The following TIAM1 variants were observed in gnomAD, a reference collection of about 807,000 sequenced individuals.
TIAM1 encodes TIAM Rac1 associated GEF 1.
In TIAM1, 65 loss-of-function variants were observed where a neutral mutation model predicts 163.5. The ratio of observed to expected loss-of-function variants is 0.40; its 90% CI spans 0.33 to 0.49. The LOEUF is 0.49. TIAM1 is among the 20% of genes least tolerant of loss of function. The pLI, the probability that TIAM1 is intolerant of heterozygous loss-of-function variation, is 0.77. For missense variants in TIAM1, 1,789 were observed against 2,044.7 expected (o/e 0.87, Z 2.41); for synonymous variants, 833 against 810.1 (o/e 1.03, Z -0.48).
chr21:31,181,995 G>C (rs1319605596), intron 15 of TIAM1, among the ~76,000 whole-genome samples: 3 of 150,124 alleles, frequency 2.0e-5, no homozygotes, highest in Non-Finnish European at 4.4e-5. Flanking sequence ...TGTTGCCCAG[G>C]CTGGTCTCAA....
intron 22 of TIAM1, 81 bp from the exon 23 acceptor site, chr21:31,136,122 G>T (rs917742726): frequency 1.6e-6 from 2 of 1,244,354 alleles, no homozygotes; most frequent in South Asian, 1.3e-5. Flanking sequence ...AATTCAGCAT[G>T]CTGATATTAA....
chr21:31,191,691 T>C (rs1175585534), intron 13 of TIAM1, among the ~76,000 whole-genome samples: 1 of 152,194 alleles, frequency 6.6e-6, no homozygotes, highest in Admixed American at 6.5e-5. Context: ...GGAAGCACTG[T>C]TTGTAACACT....
chr21:31,165,004 C>T lies in TIAM1; in HGVS notation c.2949G>A (p.Gly983=), dbSNP rs1479455872. Residue 983 remains glycine (G), a synonymous_variant, in exon 16 of 28, where the codon GGG becomes GGA. Coordinates refer to ENST00000541036, the MANE Select transcript of TIAM1 (RefSeq NM_001353694.2). ...SAETAPEETE[G]PDLESSDETD... ...TCTCATCTGAGGATTCCAAGTCTGG[C>T]CCCTCGGTCTCCTCTGGAGCGGTCT... is the stretch of plus-strand genomic sequence containing the variant. 6.8e-6 allele frequency: 11 copies of T among 1,614,152 alleles called. No homozygotes were observed. The highest frequency in any genetic ancestry group is 9.3e-6 in the Non-Finnish European group (11 of 1,180,034).
Position 31,136,897 on chromosome 21 carries a change from G to A in TIAM1, c.3775-856C>T, listed in dbSNP as rs532809728. Among the ~76,000 whole-genome samples, 4 of 152,318 alleles carry A rather than the reference G, an allele frequency of 2.6e-5. No individual in the cohort carries two copies. In the East Asian group the frequency reaches 7.7e-4, roughly 29 times the overall value. Reference sequence around the variant, plus strand: ...ACGACTTTATTTCACTTTAGATGAGGGAGAGAGAAGCCAATAAAGAGTTTG... The same window carrying A: ...ACGACTTTATTTCACTTTAGATGAGAGAGAGAGAAGCCAATAAAGAGTTTG... On this transcript the variant is annotated intron_variant, in intron 22 of 27. Coordinates refer to ENST00000541036, the MANE Select transcript of TIAM1 (RefSeq NM_001353694.2).
At chr21:31,348,331 G>A (rs116110340), upstream of TIAM1, among the ~76,000 whole-genome samples, 4,430 of 152,188 alleles carry the variant, frequency 0.029, 239 homozygotes, top group African/African-American at 0.1. Flanking sequence ...ACAAAAACAA[G>A]GTAAGAAGTG....
chr21:31,191,943 T>G (rs1489067336), intron 13 of TIAM1, among the ~76,000 whole-genome samples: 2 of 152,172 alleles, frequency 1.3e-5, no homozygotes, highest in African/African-American at 2.4e-5. Flanking sequence ...CAACAAAAAT[T>G]AAGTAAACTG....
chr21:31,201,140 T>C (rs1384420720), intron 12 of TIAM1, among the ~76,000 whole-genome samples: 1 of 152,172 alleles, frequency 6.6e-6, no homozygotes, highest in African/African-American at 2.4e-5. Flanking sequence ...TAATTCAGGA[T>C]GCAAAATACT....
At chr21:31,298,922 G>C (rs955550069) in intron 2 of TIAM1, among the ~76,000 whole-genome samples, 9 of 152,162 alleles carry the variant, frequency 5.9e-5, no homozygotes, top group South Asian at 2.1e-4. Context: ...AAATGAGTCA[G>C]AGAAAGAAGC....
chr21:31,526,014 G>A (rs2047770398), intron 1 of TIAM1, among the ~76,000 whole-genome samples: 1 of 146,940 alleles, frequency 6.8e-6, no homozygotes, highest in Non-Finnish European at 1.5e-5. Flanking sequence ...AGCCTGGGTG[G>A]CAGAGCAAGA....
At chr21:31,208,960 T>C (rs2086585826) in intron 11 of TIAM1, among the ~76,000 whole-genome samples, 1 of 152,108 alleles carries the variant, frequency 6.6e-6, no homozygotes. Flanking sequence ...TTCATTTTTT[T>C]TTTTAGCAGC....
chr21:31,510,084 G>C (rs2047163541), intron 1 of TIAM1, among the ~76,000 whole-genome samples: 1 of 152,158 alleles, frequency 6.6e-6, no homozygotes, highest in Non-Finnish European at 1.5e-5. Flanking sequence ...TCCTAACCCG[G>C]GGTACCCGTA....
intron 14 of TIAM1, among the ~76,000 whole-genome samples, chr21:31,185,620 T>C (rs1171092141): frequency 6.9e-6 from 1 of 144,928 alleles, no homozygotes; most frequent in East Asian, 1.9e-4. Flanking sequence ...ATTATATTAA[T>C]ATATTATATA....
At chr21:31,352,839 C>T (rs1420814258) in intron 2 of TIAM1, among the ~76,000 whole-genome samples, 3 of 150,392 alleles carry the variant, frequency 2.0e-5, no homozygotes, top group Admixed American at 6.6e-5. Context: ...CATGCCACTG[C>T]ACTGTAGCCT....
rs879654942 is a variant in TIAM1, at chr21:31,364,644, CATG to C, written c.-368-25225_-368-25223del. ...TAACAAATCTTGGAACAGCTGACAC[CATG>C]ATGGCCAGGGACCATGGATGGACGG... On this transcript the variant is annotated intron_variant, in intron 2 of 28. Coordinates refer to the TIAM1 transcript ENST00000286827. Among the ~76,000 whole-genome samples, 18 of 152,100 alleles carry C rather than the reference CATG, an allele frequency of 1.2e-4. 2 individuals carry two copies. The highest frequency in any genetic ancestry group is 6.6e-4 in the Admixed American group (10 of 15,264).
Position 31,120,929 on chromosome 21 carries a change from A to G in TIAM1, c.4307-92T>C. Reference sequence around the variant, plus strand: ...AAGCAAAGGACAGGAGAAAATAAAAACCAAAACGGTATGCATTGAATGCCT... The same window carrying G: ...AAGCAAAGGACAGGAGAAAATAAAAGCCAAAACGGTATGCATTGAATGCCT... On this transcript the variant is annotated intron_variant, in intron 27 of 27. Transcript: ENST00000541036. This position sits in a 1 kb window ranked among gnomAD's most constrained non-coding sequence, Gnocchi z 4.2. 1 of 1,277,690 alleles carries G rather than the reference A, an allele frequency of 7.8e-7. No homozygotes were observed. The highest frequency in any genetic ancestry group is 1.1e-6 in the Non-Finnish European group (1 of 948,432). 79.1% of individuals were successfully genotyped at this position (1,277,690 alleles called of 1,614,324 possible).
intron 2 of TIAM1, among the ~76,000 whole-genome samples, chr21:31,304,900 C>G (rs1183273811): frequency 6.6e-6 from 1 of 152,110 alleles, no homozygotes; most frequent in African/African-American, 2.4e-5. Context: ...ACCATGTTGG[C>G]CAAGCTGGTC....
chr21:31,357,658 CTGTATTTGCCA>C (rs1252429473), intron 2 of TIAM1, among the ~76,000 whole-genome samples: 1 of 152,194 alleles, frequency 6.6e-6, no homozygotes, highest in Non-Finnish European at 1.5e-5. Flanking sequence ...AAAGAGGCAT[CTGTATTTGCCA>C]TGTTCCCTTA....
At chr21:31,411,658 T>G (rs980588587) in intron 2 of TIAM1, among the ~76,000 whole-genome samples, 21 of 152,046 alleles carry the variant, frequency 1.4e-4, no homozygotes, top group African/African-American at 5.1e-4. Flanking sequence ...GTATTTTTAA[T>G]AGAGATGAGG....
chr21:31,210,710 AGAAAG>A (rs2086794651), intron 10 of TIAM1, among the ~76,000 whole-genome samples: 1 of 130,422 alleles, frequency 7.7e-6, no homozygotes, highest in African/African-American at 3.8e-5. Flanking sequence ...AGAAAGAGAA[AGAAAG>A]AGAAAGAAAG....
Sources: gnomAD v4.1 joint callset for allele counts (sites outside exome capture counted in the v4.1 genomes callset) on GRCh38, gnomAD v4.1.1 for gene constraint, Gnocchi (gnomAD v3.1) non-coding constraint, MANE v1.5 for transcripts, NCBI Gene and HGNC (gene_info 2026-07-23, HGNC 2026-07-21) for gene names.